CYP4F2: variants seen among roughly 807,000 people sequenced by gnomAD.
The protein encoded by CYP4F2 is cytochrome P450 family 4 subfamily F member 2, also known as cytochrome P450 4F2.
Under a neutral mutation model 58.9 loss-of-function variants are expected in CYP4F2, and 58 were observed. The ratio of observed to expected loss-of-function variants is 0.98; its 90% CI spans 0.80 to 1.23. The LOEUF (loss-of-function observed/expected upper bound fraction) is 1.23, where lower values mean the gene tolerates loss of function less well. CYP4F2 is among the 50% of genes most tolerant of loss of function. The probability of loss-of-function intolerance (pLI) is 0.00; values close to 1 mark genes in which losing one functional copy is unlikely to be tolerated. For synonymous variants in CYP4F2, 287 were observed against 261.1 expected (o/e 1.10, Z -0.95); for missense variants, 616 against 685.6 (o/e 0.90, Z 1.13).
Position 15,889,549 on chromosome 19 carries a change from G to A in CYP4F2, c.792C>T (p.His264=), listed in dbSNP as rs147434380. The A allele has an allele frequency of 8.1e-5, 131 of 1,614,202 alleles. No individual in the cohort carries two copies. Among genetic ancestry groups the A allele is most frequent in the African/African-American group, 4.7e-4 (35 of 75,046 alleles). The part of the protein sequence containing the change: ...QRFRRACRLV[H]DFTDAVIQER... ...CCTGGATGACGGCATCTGTGAAGTCGTGCACCAGGCGGCAGGCCCTGCGGA... is the reference window on the plus strand; with the variant it reads ...CCTGGATGACGGCATCTGTGAAGTCATGCACCAGGCGGCAGGCCCTGCGGA... Residue 264 remains histidine, a synonymous_variant, in exon 7 of 13, where the codon CAC becomes CAT. Transcript: ENST00000221700.
intron 2 of CYP4F2, 108 bp downstream of exon 2, chr19:15,897,306 T>C (rs1599358944): frequency 9.0e-7 from 1 of 1,114,852 alleles, no homozygotes; most frequent in Non-Finnish European, 1.3e-6. Context: ...TCTGCTTCTC[T>C]GCCACCCCAG....
intron 9 of CYP4F2, among the ~76,000 whole-genome samples, chr19:15,881,415 GAGAT>G (rs1186578301): frequency 1.3e-5 from 2 of 152,176 alleles, no homozygotes; most frequent in Non-Finnish European, 2.9e-5. Context: ...TAATGATTCA[GAGAT>G]AGATGATAGA....
rs140282712 is a variant in CYP4F2 at position 15,879,778 on chromosome 19, C to A, written c.1235G>T (p.Arg412Leu). 1.5e-5 allele frequency: 25 copies of A among 1,613,954 alleles called. No homozygotes were observed. The African/African-American group carries it at 2.7e-4, about 17-fold the overall frequency. The change falls in exon 10 of 13, where the codon CGG (arginine) becomes CTG (leucine). Residue 412 changes from arginine (R) to leucine (L), a missense_variant. Arg to Leu is a moderately radical substitution (Grantham distance 102). Transcript: ENST00000221700. ...VTQDIVLPDG[R>L]VIPKGIICLI... ...GCTGTGAGCACCTTTGGGGATGACC[C>A]GGCCGTCTGGGAGCACAATGTCCTG... is the stretch of plus-strand genomic sequence containing the variant.
At chr19:15,893,491 T>C (rs1171530813) in intron 3 of CYP4F2, among the ~76,000 whole-genome samples, 2 of 152,170 alleles carry the variant, frequency 1.3e-5, no homozygotes, top group Non-Finnish European at 2.9e-5. Context: ...GTATAACATA[T>C]TTCAGGTGTA....
chr19:15,896,590 G>A (rs2089449983), intron 2 of CYP4F2, among the ~76,000 whole-genome samples: 1 of 152,168 alleles, frequency 6.6e-6, no homozygotes, highest in Admixed American at 6.5e-5. Flanking sequence ...TCCTCCCATG[G>A]AGAAGGTTCT....
intron 12 of CYP4F2, 151 bp downstream of exon 12, chr19:15,879,195 C>T: frequency 1.5e-6 from 2 of 1,295,546 alleles, no homozygotes; most frequent in Non-Finnish European, 2.1e-6. Context: ...CCCAACCGTA[C>T]TCTATGGACC....
At chr19:15,897,155 C>G (rs2089452581) in intron 2 of CYP4F2, among the ~76,000 whole-genome samples, 1 of 152,122 alleles carries the variant, frequency 6.6e-6, no homozygotes, top group South Asian at 2.1e-4. Flanking sequence ...GCCCAGGAGC[C>G]CCGCAGAGGT....
At position 15,878,871 on chromosome 19, in the gene CYP4F2, C is replaced by G. The variant is rs1388353329; in HGVS notation, c.1463G>C (p.Arg488Pro). 1.2e-6 allele frequency: 2 copies of G among 1,613,906 alleles called. No individual in the cohort carries two copies. The highest frequency in any genetic ancestry group is 1.3e-5 in the African/African-American group (1 of 74,906). ...GGTGTGGTCAGGCAGGACGCGGAAG[C>G]GCAGCAGCGTGAGCGCCAGGACCAC... ...MKVVLALTLLRFRVLPDHTEP... is the reference protein window; with the variant it reads ...MKVVLALTLLPFRVLPDHTEP... The change falls in exon 13 of 13, where the codon CGC becomes CCC. Residue 488 changes from arginine to proline, a missense_variant. Physicochemically the swap from Arg to Pro is moderately radical, Grantham distance 103. Transcript: ENST00000221700.
At chr19:15,881,580 TA>T (rs1365560738) in intron 9 of CYP4F2, among the ~76,000 whole-genome samples, 1 of 30,050 alleles carries the variant, frequency 3.3e-5, no homozygotes, top group Non-Finnish European at 1.3e-4. Context: ...GATAGATAGA[TA>T]GATAGATAGA....
At position 15,895,758 on chromosome 19, in the gene CYP4F2, T is replaced by C. The variant is rs2089443883; in HGVS notation, c.199-108A>G. 7 of 1,381,772 alleles carry C rather than the reference T, an allele frequency of 5.1e-6. No homozygotes were observed. The South Asian group carries it at 9.9e-5, about 19-fold the overall frequency. 85.6% of individuals were successfully genotyped at this position (1,381,772 alleles called of 1,614,324 possible). On this transcript the variant is annotated intron_variant, in intron 2 of 12. Transcript: ENST00000221700. Reference sequence around the variant, plus strand: ...GTTGGTCAAACATTATTTCTGGGTGTGTCTAATCTATTCATCCTATCTATC... The same window carrying C: ...GTTGGTCAAACATTATTTCTGGGTGCGTCTAATCTATTCATCCTATCTATC...
At chr19:15,881,509 G>A (rs3093192) in intron 9 of CYP4F2, among the ~76,000 whole-genome samples, 2,499 of 151,906 alleles carry the variant, frequency 0.016, 60 homozygotes, top group African/African-American at 0.057. Flanking sequence ...TAGAAACAGA[G>A]ATACATAGAT....
intron 7 of CYP4F2, among the ~76,000 whole-genome samples, chr19:15,888,345 C>T (rs978236139): frequency 2.6e-5 from 4 of 151,902 alleles, no homozygotes; most frequent in Admixed American, 1.3e-4. Flanking sequence ...TAAACATAGA[C>T]ATAGACACAG....
At chr19:15,886,353 A>G in intron 7 of CYP4F2, 45 bp from the exon 8 acceptor site, 10 of 1,498,986 alleles carry the variant, frequency 6.7e-6, no homozygotes, top group Non-Finnish European at 9.0e-6. Flanking sequence ...CCCCCATAAA[A>G]AGTCACACTA....
At chr19:15,891,944 T>C (rs1375781924) in intron 5 of CYP4F2, among the ~76,000 whole-genome samples, 1 of 152,186 alleles carries the variant, frequency 6.6e-6, no homozygotes, top group Non-Finnish European at 1.5e-5. Flanking sequence ...TCCCAAAGAC[T>C]TATTAGCAAA....
At chr19:15,880,649 A>T (rs984434944) in intron 9 of CYP4F2, among the ~76,000 whole-genome samples, 1 of 152,122 alleles carries the variant, frequency 6.6e-6, no homozygotes, top group African/African-American at 2.4e-5. Flanking sequence ...ATTTTAATAC[A>T]CATTCTTAAA....
At chr19:15,892,051 A>C (rs186918762) in intron 5 of CYP4F2, among the ~76,000 whole-genome samples, 4 of 152,304 alleles carry the variant, frequency 2.6e-5, no homozygotes, top group African/African-American at 7.2e-5. Context: ...TTGTGTTTAC[A>C]GGGCTTTGGT....
chr19:15,895,991 TCATC>T (rs1046881145), intron 2 of CYP4F2, among the ~76,000 whole-genome samples: 1 of 151,842 alleles, frequency 6.6e-6, no homozygotes, highest in Non-Finnish European at 1.5e-5. Context: ...CATCCATCCA[TCATC>T]CATCCATCCA....
chr19:15,893,173 C>A (rs1363008840), intron 3 of CYP4F2, among the ~76,000 whole-genome samples: 1 of 152,168 alleles, frequency 6.6e-6, no homozygotes, highest in Non-Finnish European at 1.5e-5. Context: ...CAGACATAGC[C>A]AACATGTGAA....
At chr19:15,892,066 G>A (rs2089419329) in intron 5 of CYP4F2, among the ~76,000 whole-genome samples, 1 of 152,192 alleles carries the variant, frequency 6.6e-6, no homozygotes, top group South Asian at 2.1e-4. Flanking sequence ...TTTGGTGATG[G>A]AAACATAGAA....
Sources: allele counts gnomAD v4.1 joint callset (sites outside exome capture counted in the v4.1 genomes callset), GRCh38; gene constraint gnomAD v4.1.1; transcripts MANE v1.5; gene names NCBI Gene and HGNC (gene_info 2026-07-23, HGNC 2026-07-21).